SKP1: variants seen among roughly 807,000 people sequenced by gnomAD.
SKP1 encodes S-phase kinase associated protein 1.
Under a neutral mutation model 21.5 loss-of-function variants are expected in SKP1, and 1 was observed. The observed-to-expected ratio is 0.05, with a 90% confidence interval of 0.02 to 0.22. SKP1 has a LOEUF of 0.22. SKP1 is among the 10% of genes least tolerant of loss of function. The pLI is 1.00. For synonymous variants in SKP1, 59 were observed against 59.3 expected, an observed-to-expected ratio of 0.99 and a Z score of 0.03; for missense variants, 70 against 192.0, an observed-to-expected ratio of 0.36 and a Z score of 3.76.
intron 3 of SKP1, among the ~76,000 whole-genome samples, chr5:134,164,248 G>A (rs1761283809): frequency 6.7e-6 from 1 of 150,050 alleles, no homozygotes; most frequent in Admixed American, 6.7e-5. Context: ...AAAGCCCGGA[G>A]GCAGAGGCTG....
intron 2 of SKP1, chr5:134,173,633 T>C: frequency 2.1e-6 from 1 of 474,804 alleles, no homozygotes. Context: ...AACTTATGAA[T>C]TCAAATTTAC....
At chr5:134,170,225 G>A (rs1238816208) in intron 2 of SKP1, among the ~76,000 whole-genome samples, 1 of 152,116 alleles carries the variant, frequency 6.6e-6, no homozygotes, top group Non-Finnish European at 1.5e-5. Flanking sequence ...GGATTGTAAA[G>A]CTAATTTTTT....
rs73790195 is a variant in SKP1 at position 134,149,873 on chromosome 5, A to C, written c.*7860T>G. On this transcript the variant is annotated 3_prime_UTR_variant, in exon 6 of 6. Coordinates refer to ENST00000353411, the MANE Select transcript of SKP1 (RefSeq NM_170679.3). ...CTTTTTTTTTTTTTAATCTGACTTC[A>C]TAAAGGAAACTCAGATCCTCCCAAA... 1.3e-5 allele frequency: 2 copies of C among 150,932 alleles called. No homozygotes were observed. Among genetic ancestry groups the C allele is most frequent in the Non-Finnish European group, 3.0e-5 (2 of 67,780 alleles). The allele number at this position is 150,932 out of a possible 1,614,324, so 9.3% of individuals were successfully genotyped here.
intron 4 of SKP1, among the ~76,000 whole-genome samples, chr5:134,160,166 G>GC (rs1761194061): frequency 1.3e-5 from 2 of 150,970 alleles, no homozygotes; most frequent in Admixed American, 1.3e-4. Context: ...GACCATCCTG[G>GC]CCAACATGGT....
intron 3 of SKP1, 136 bp from the exon 4 acceptor site, chr5:134,161,266 A>G: frequency 1.5e-6 from 1 of 663,958 alleles, no homozygotes; most frequent in Admixed American, 3.3e-5. Context: ...AAGCTTGAAA[A>G]ACAAAAATGA....
At chr5:134,162,985 T>G (rs1761247544) in intron 3 of SKP1, among the ~76,000 whole-genome samples, 1 of 151,426 alleles carries the variant, frequency 6.6e-6, no homozygotes, top group South Asian at 2.1e-4. Context: ...GAGGCCAAGG[T>G]GGGTGACTTA....
intron 2 of SKP1, chr5:134,173,698 T>TA (rs1220092704): frequency 1.6e-6 from 1 of 617,886 alleles, no homozygotes; most frequent in Non-Finnish European, 3.0e-6. Context: ...ATGTTTATTT[T>TA]ACCTTATGAT....
At chr5:134,163,358 A>G (rs1761258379) in intron 3 of SKP1, among the ~76,000 whole-genome samples, 2 of 152,044 alleles carry the variant, frequency 1.3e-5, no homozygotes, top group South Asian at 2.1e-4. Flanking sequence ...AAAATGCCAC[A>G]TTACTTTGTG....
chr5:134,158,222 A>C, intron 5 of SKP1: 1 of 1,428,064 alleles, frequency 7.0e-7, no homozygotes, highest in Non-Finnish European at 9.1e-7. Context: ...TAATACATTA[A>C]CAAGAGCTCT....
Position 134,152,987 on chromosome 5 carries a change from A to C in SKP1, c.*4746T>G, listed in dbSNP as rs111746189. 0.023 allele frequency: 3,563 copies of C among 152,336 alleles called. 66 individuals carry two copies. Among genetic ancestry groups the C allele is most frequent in the South Asian group, 0.053 (254 of 4,826 alleles). 9.4% of individuals were successfully genotyped at this position (152,336 alleles called of 1,614,324 possible). ...AGAAGCCAGGAGCTACACTTTAAGGATTCAGCCATTTTGTAAGCTTTCCCT... is the reference window on the plus strand; with the variant it reads ...AGAAGCCAGGAGCTACACTTTAAGGCTTCAGCCATTTTGTAAGCTTTCCCT... On this transcript the variant is annotated 3_prime_UTR_variant, in exon 6 of 6. Coordinates refer to ENST00000353411, the MANE Select transcript of SKP1 (RefSeq NM_170679.3).
In SKP1 at chr5:134,153,807, C is replaced by G. The variant is rs575053234; in HGVS notation, c.*3926G>C. On this transcript the variant is annotated 3_prime_UTR_variant, in exon 6 of 6. Transcript: ENST00000353411. ...GAAAAATCAATGTGATTTGGAATAT[C>G]TGCCTGCCCTAAGTGAGATGCCCAC... is the stretch of plus-strand genomic sequence containing the variant. The G allele has an allele frequency of 1.3e-5, 2 of 152,322 alleles. No homozygotes were observed. The highest frequency in any genetic ancestry group is 4.8e-5 in the African/African-American group (2 of 41,560). 9.4% of individuals were successfully genotyped at this position (152,322 alleles called of 1,614,324 possible). A position where few individuals can be genotyped will look rare whatever the true frequency, so the allele number is the denominator to read the frequency against.
intron 1 of SKP1, among the ~76,000 whole-genome samples, chr5:134,175,826 G>C (rs1416222759): frequency 6.6e-6 from 1 of 152,164 alleles, no homozygotes; most frequent in African/African-American, 2.4e-5. Flanking sequence ...ATATTTATTT[G>C]AAATGCTTTC....
chr5:134,175,906 A>G (rs970408610), intron 1 of SKP1, among the ~76,000 whole-genome samples: 1 of 148,792 alleles, frequency 6.7e-6, no homozygotes, highest in African/African-American at 2.5e-5. Context: ...CATGGCCAGC[A>G]TAAAGCGGGT....
chr5:134,164,357 T>A (rs1761288610), intron 3 of SKP1, among the ~76,000 whole-genome samples: 1 of 147,826 alleles, frequency 6.8e-6, no homozygotes, highest in Non-Finnish European at 1.5e-5. Context: ...AAAAAGATTA[T>A]CTTCTCAGTA....
Position 134,151,408 on chromosome 5 carries a change from C to T in SKP1, c.*6325G>A, listed in dbSNP as rs373162778. The T allele has an allele frequency of 4.3e-6, 1 of 229,898 alleles. No homozygotes were observed. Among genetic ancestry groups the T allele is most frequent in the Admixed American group, 4.9e-5 (1 of 20,616 alleles). The allele number at this position is 229,898 out of a possible 1,614,324, so 14.2% of individuals were successfully genotyped here. On this transcript the variant is annotated 3_prime_UTR_variant, in exon 6 of 6. Transcript: ENST00000353411. Reference sequence around the variant, plus strand: ...GCTTCTCTATTTTCCCACCCCTTTCCGTAAGCTTCCTGGAACAGAAAAATC... The same window carrying T: ...GCTTCTCTATTTTCCCACCCCTTTCTGTAAGCTTCCTGGAACAGAAAAATC...
At chr5:134,172,114 A>G (rs979494967) in intron 2 of SKP1, among the ~76,000 whole-genome samples, 1 of 152,268 alleles carries the variant, frequency 6.6e-6, no homozygotes, top group Non-Finnish European at 1.5e-5. Flanking sequence ...AGACTCAAGA[A>G]TAACACTAGC....
In SKP1 at chr5:134,157,583, T is replaced by C; in HGVS notation, c.*150A>G. ...TAAGGTTTGGGATCTGTGCTCAAAC[T>C]ACACATGCAATGAGGACAATATTCT... On this transcript the variant is annotated 3_prime_UTR_variant, in exon 6 of 6. Transcript: ENST00000353411. 4 of 716,776 alleles carry C rather than the reference T, an allele frequency of 5.6e-6. No homozygotes were observed. In the Admixed American group the frequency reaches 8.4e-5, roughly 15 times the overall value. The allele number at this position is 716,776 out of a possible 1,614,324, so 44.4% of individuals were successfully genotyped here. A position where few individuals can be genotyped will look rare whatever the true frequency, so the allele number is the denominator to read the frequency against.
chr5:134,161,020 T>C lies in SKP1; in HGVS notation c.282A>G (p.Lys94=). Residue 94 remains lysine (K), a synonymous_variant, in exon 4 of 6, where the codon AAA becomes AAG. Transcript: ENST00000353411. The part of the protein sequence containing the change: ...DIPVWDQEFL[K]VDQGTLFELI... The stretch of plus-strand genomic sequence containing the variant: ...GTTCAAAAAGTGTTCCTTGGTCAAC[T>C]TTCAGGAATTCTTGGTCCCAAACAG... 6.2e-7 allele frequency: 1 copy of C among 1,612,690 alleles called. No individual in the cohort carries two copies. The highest frequency in any genetic ancestry group is 8.5e-7 in the Non-Finnish European group (1 of 1,179,628).
intron 4 of SKP1, among the ~76,000 whole-genome samples, chr5:134,158,909 T>C (rs566041035): frequency 5.3e-5 from 8 of 152,294 alleles, no homozygotes; most frequent in Non-Finnish European, 8.8e-5. Flanking sequence ...GCAAAAATAT[T>C]TGTCCACACT....
Sources: gnomAD v4.1 joint callset for allele counts (sites outside exome capture counted in the v4.1 genomes callset) on GRCh38, gnomAD v4.1.1 for gene constraint, MANE v1.5 for transcripts, NCBI Gene and HGNC (gene_info 2026-07-23, HGNC 2026-07-21) for gene names.